ARHGEF7: variants seen among roughly 807,000 people sequenced by gnomAD.
ARHGEF7 encodes the protein PAK-interacting exchange factor beta.
In ARHGEF7, 33 loss-of-function variants were observed where a neutral mutation model predicts 109.8. The ratio of observed to expected loss-of-function variants is 0.30; its 90% CI spans 0.23 to 0.40. The LOEUF (loss-of-function observed/expected upper bound fraction) is 0.40. Ranked by LOEUF, ARHGEF7 falls within the 10% of genes least tolerant of loss-of-function variation. ARHGEF7 has a pLI of 1.00. For missense variants in ARHGEF7, 938 were observed against 1,098.5 expected (o/e 0.85, Z 2.07); for synonymous variants, 458 against 424.6 (o/e 1.08, Z -0.97).
At chr13:111,300,093 A>G (rs927062951) in intron 19 of ARHGEF7, among the ~76,000 whole-genome samples, 2 of 152,202 alleles carry the variant, frequency 1.3e-5, no homozygotes, top group South Asian at 2.1e-4. Flanking sequence ...TCTAAAGTAC[A>G]TATTTTGCAA....
intron 2 of ARHGEF7, among the ~76,000 whole-genome samples, chr13:111,179,339 C>G (rs1198378694): frequency 6.6e-6 from 1 of 152,132 alleles, no homozygotes; most frequent in East Asian, 1.9e-4. Context: ...CCGCCTTGGC[C>G]ACCCGAAGTG....
rs1429929835 is a variant in ARHGEF7 at position 111,280,557 on chromosome 13, A to G, written c.1605A>G (p.Ile535Met). Residue 535 changes from isoleucine to methionine, a missense_variant, in exon 15 of 22, where the codon ATA becomes ATG. By Grantham distance (10) the Ile-to-Met change is conservative. This residue lies in a region of ARHGEF7 where 585 missense variants were observed against 723.6 expected (regional missense o/e 0.81). Transcript: ENST00000646102. The stretch of plus-strand genomic sequence containing the variant: ...CTATAGGGAGCATGATTGAGCGGAT[A>G]TTAGTGTCGTGCAACAACCAGCAGG... ...FEISGSMIER[I>M]LVSCNNQQDL... The G allele has an allele frequency of 1.2e-6, 2 of 1,609,340 alleles. No homozygotes were observed. The highest frequency in any genetic ancestry group is 1.7e-4 in the Middle Eastern group (1 of 6,034).
chr13:111,272,130 A>C lies in ARHGEF7; in HGVS notation c.1074-1684A>C, dbSNP rs2092202525. On this transcript the variant is annotated intron_variant, in intron 9 of 21. Coordinates refer to ENST00000646102, the MANE Select transcript of ARHGEF7 (RefSeq NM_001354046.2). The surrounding 1 kb of genome is among the most constrained non-coding windows in gnomAD (Gnocchi z 5.2). ...ATGGTGTTTGAATCGGTTTCATTGG[A>C]GGACATTCTCCCTGGCTGCCCTGGC... is the stretch of plus-strand genomic sequence containing the variant. 6.6e-6 allele frequency among the ~76,000 whole-genome samples: 1 copy of C among 152,184 alleles called. No homozygotes were observed. The highest frequency in any genetic ancestry group is 1.5e-5 in the Non-Finnish European group (1 of 68,012).
At position 111,267,421 on chromosome 13, in the gene ARHGEF7, G is replaced by A. The variant is rs1425240632; in HGVS notation, c.951-127G>A. The A allele has an allele frequency of 6.4e-6, 8 of 1,250,358 alleles. No individual in the cohort carries two copies. The Admixed American group carries it at 1.6e-4, about 25-fold the overall frequency. The allele number at this position is 1,250,358 out of a possible 1,614,324, so 77.5% of individuals were successfully genotyped here. A position where few individuals can be genotyped will look rare whatever the true frequency, so the allele number is the denominator to read the frequency against. On this transcript the variant is annotated intron_variant, in intron 8 of 21. Transcript: ENST00000646102. ...GCAACACATGTGTGCTGGGATCGGG[G>A]CCTCTGGTTTTCACAGATGGGTGCA...
At chr13:111,152,262 A>G (rs981434252) in intron 1 of ARHGEF7, among the ~76,000 whole-genome samples, 23 of 152,238 alleles carry the variant, frequency 1.5e-4, no homozygotes, top group African/African-American at 5.5e-4. Flanking sequence ...TCTATTGGAT[A>G]TATTTTTTAT....
intron 3 of ARHGEF7, 28 bp downstream of exon 3, chr13:111,205,401 G>C: frequency 6.6e-7 from 1 of 1,506,598 alleles, no homozygotes; most frequent in Non-Finnish European, 9.0e-7. Flanking sequence ...TGAACTCGAG[G>C]GGGTGGGAAG....
chr13:111,167,236 T>G (rs1013484204), intron 2 of ARHGEF7, among the ~76,000 whole-genome samples: 3 of 152,214 alleles, frequency 2.0e-5, no homozygotes, highest in Non-Finnish European at 2.9e-5. Context: ...AGATATGATC[T>G]CTGGGCTATT....
chr13:111,257,344 C>T (rs1027309567), intron 8 of ARHGEF7, among the ~76,000 whole-genome samples: 1 of 152,212 alleles, frequency 6.6e-6, no homozygotes, highest in Non-Finnish European at 1.5e-5. Context: ...TTACAGACAT[C>T]AGTAGACTGA....
chr13:111,141,312 C>T (rs550363413), intron 1 of ARHGEF7, among the ~76,000 whole-genome samples: 2 of 152,206 alleles, frequency 1.3e-5, no homozygotes, highest in Admixed American at 1.3e-4. Flanking sequence ...GTCATCCCTC[C>T]CTCAACTCAA....
At position 111,273,947 on chromosome 13, in the gene ARHGEF7, A is replaced by C; in HGVS notation, c.1207A>C (p.Met403Leu). The part of the protein sequence containing the change: ...PTLLKELERH[M>L]EDYHTDRQDI... ...GCTGCTCAAAGAGCTCGAGAGACAC[A>C]TGGAGGTACTGCGCTTTCATTCTCT... Residue 403 changes from methionine to leucine, a missense_variant, in exon 10 of 22, where the codon ATG becomes CTG. Coordinates refer to ENST00000646102, the MANE Select transcript of ARHGEF7 (RefSeq NM_001354046.2). The surrounding 1 kb of genome is among the most constrained non-coding windows in gnomAD (Gnocchi z 4.5). The C allele has an allele frequency of 6.2e-7, 1 of 1,614,186 alleles. No homozygotes were observed.
rs1444537787 is a variant in ARHGEF7 at position 111,275,527 on chromosome 13, G to A, written c.1273-5G>A. On this transcript the variant is annotated splice_polypyrimidine_tract_variant and splice_region_variant and intron_variant, in intron 11 of 21. Coordinates refer to ENST00000646102, the MANE Select transcript of ARHGEF7 (RefSeq NM_001354046.2). Reference sequence around the variant, plus strand: ...CTGTTAACAGTGTTGTTCTGTGTCTGTCAGGCCCAATGTCAAGAAGTCCGG... The same window carrying A: ...CTGTTAACAGTGTTGTTCTGTGTCTATCAGGCCCAATGTCAAGAAGTCCGG... 4.3e-6 allele frequency: 7 copies of A among 1,613,668 alleles called. No individual in the cohort carries two copies. In the Admixed American group the frequency reaches 1.2e-4, roughly 27 times the overall value.
chr13:111,115,450 G>A lies in ARHGEF7; in HGVS notation c.-77G>A, dbSNP rs1006297008. On this transcript the variant is annotated 5_prime_UTR_variant, in exon 1 of 22. Coordinates refer to ENST00000646102, the MANE Select transcript of ARHGEF7 (RefSeq NM_001354046.2). ...CGATGGGCGAGGCGGCGGCGGCGGCGGCGGGGGCCGCGGGCCGGGCCGCCG... is the reference window on the plus strand; with the variant it reads ...CGATGGGCGAGGCGGCGGCGGCGGCAGCGGGGGCCGCGGGCCGGGCCGCCG... 12 of 981,818 alleles carry A rather than the reference G, an allele frequency of 1.2e-5. No homozygotes were observed. Among genetic ancestry groups the A allele is most frequent in the Middle Eastern group, 5.0e-4 (1 of 1,982 alleles). 60.8% of individuals were successfully genotyped at this position (981,818 alleles called of 1,614,324 possible).
rs145555948 is a variant in ARHGEF7, at chr13:111,167,324, C to A, written c.252+13333C>A. Among the ~76,000 whole-genome samples the A allele has an allele frequency of 9.2e-5, 14 of 152,280 alleles. No individual in the cohort carries two copies. The East Asian group carries it at 2.7e-3, about 29-fold the overall frequency. On this transcript the variant is annotated intron_variant, in intron 2 of 21. Transcript: ENST00000646102. ...TTTCTTTTATCCAATAAGACTTGTA[C>A]ATAGCTTAAAAGATAAACAATACTT...
intron 4 of ARHGEF7, among the ~76,000 whole-genome samples, chr13:111,213,784 C>G (rs2082784198): frequency 6.6e-6 from 1 of 152,150 alleles, no homozygotes; most frequent in Non-Finnish European, 1.5e-5. Context: ...TTCCAGCTTC[C>G]TGTAACACTA....
chr13:111,293,085 T>C (rs896688916), intron 19 of ARHGEF7: 38 of 985,350 alleles, frequency 3.9e-5, no homozygotes, highest in African/African-American at 7.0e-5. Context: ...ATTTCTGTTA[T>C]AAGGCACATA....
chr13:111,151,475 C>T (rs1334359517), intron 1 of ARHGEF7, among the ~76,000 whole-genome samples: 2 of 152,212 alleles, frequency 1.3e-5, no homozygotes, highest in Non-Finnish European at 2.9e-5. Flanking sequence ...CACTACACTA[C>T]AAAAGTCCAT....
At chr13:111,205,455 A>G (rs892978070) in intron 3 of ARHGEF7, 82 bp downstream of exon 3, 3 of 903,008 alleles carry the variant, frequency 3.3e-6, no homozygotes, top group Non-Finnish European at 5.0e-6. Flanking sequence ...TACCAAAGCC[A>G]GGGGAGCATT....
At chr13:111,286,085 G>A in intron 16 of ARHGEF7, 62 bp from the exon 17 acceptor site, 1 of 1,342,620 alleles carries the variant, frequency 7.4e-7, no homozygotes, top group South Asian at 1.2e-5. Context: ...CAGCCTTTCT[G>A]ATATGCCAGT....
In ARHGEF7 at chr13:111,283,509, T is replaced by C. The variant is rs995026816; in HGVS notation, c.1950+146T>C. 2.2e-6 allele frequency: 3 copies of C among 1,341,490 alleles called. No individual in the cohort carries two copies. In the East Asian group the frequency reaches 7.6e-5, roughly 34 times the overall value. 83.1% of individuals were successfully genotyped at this position (1,341,490 alleles called of 1,614,324 possible). ...GAAGGGGGGGTCTGCCTTGGTTCTC[T>C]GGTTATCTGCTCTGCTGCTGAGAGG... is the stretch of plus-strand genomic sequence containing the variant. On this transcript the variant is annotated intron_variant, in intron 16 of 21. Coordinates refer to ENST00000646102, the MANE Select transcript of ARHGEF7 (RefSeq NM_001354046.2).
Sources: allele counts gnomAD v4.1 joint callset (sites outside exome capture counted in the v4.1 genomes callset), GRCh38; gene constraint gnomAD v4.1.1; regional missense constraint gnomAD v4.1.1; non-coding constraint Gnocchi (gnomAD v3.1); transcripts MANE v1.5; gene names NCBI Gene and HGNC (gene_info 2026-07-23, HGNC 2026-07-21).